Variants in POFUT2 observed in about 807,000 individuals in gnomAD.
POFUT2 encodes the protein GDP-fucose protein O-fucosyltransferase 2.
POFUT2 carries 30 observed loss-of-function variants against 55.0 expected under a neutral mutation model. That is an observed-to-expected ratio of 0.55 (90% CI 0.41 to 0.74). The LOEUF (loss-of-function observed/expected upper bound fraction) is 0.74. Among genes scored for constraint, POFUT2 ranks in the 30% least tolerant of loss-of-function variants. The pLI is 0.00. For synonymous variants in POFUT2, 267 were observed against 231.1 expected, an observed-to-expected ratio of 1.16 and a Z score of -1.41; for missense variants, 524 against 562.6, an observed-to-expected ratio of 0.93 and a Z score of 0.69.
chr21:45,278,640 G>C (rs1451764602), intron 4 of POFUT2, among the ~76,000 whole-genome samples: 1 of 152,180 alleles, frequency 6.6e-6, no homozygotes, highest in African/African-American at 2.4e-5. Context: ...GCCATTCCTG[G>C]GCAGGCATTC....
chr21:45,269,375 A>G (rs957180808), intron 7 of POFUT2, among the ~76,000 whole-genome samples: 1 of 152,076 alleles, frequency 6.6e-6, no homozygotes, highest in Non-Finnish European at 1.5e-5. Context: ...AGATTGAGAA[A>G]TCGGATGGTT....
At position 45,267,459 on chromosome 21, in the gene POFUT2, G is replaced by C. The variant is rs1358529349; in HGVS notation, c.1136+131C>G. 2.5e-6 allele frequency: 4 copies of C among 1,614,048 alleles called. No individual in the cohort carries two copies. The highest frequency in any genetic ancestry group is 3.4e-6 in the Non-Finnish European group (4 of 1,179,940). On this transcript the variant is annotated intron_variant, in intron 8 of 8. Coordinates refer to ENST00000349485, the MANE Select transcript of POFUT2 (RefSeq NM_133635.6). This position sits in a 1 kb window ranked among gnomAD's most constrained non-coding sequence, Gnocchi z 4.4. The stretch of plus-strand genomic sequence containing the variant: ...CAGATGCTACAGGAGACTCAGACGA[G>C]GAGGCAAACAGTATGGAAATGACCA...
At position 45,270,425 on chromosome 21, in the gene POFUT2, C is replaced by T. The variant is rs998154232; in HGVS notation, c.832-406G>A. Among the ~76,000 whole-genome samples, 2 of 152,160 alleles carry T rather than the reference C, an allele frequency of 1.3e-5. No homozygotes were observed. Among genetic ancestry groups the T allele is most frequent in the African/African-American group, 4.8e-5 (2 of 41,432 alleles). ...TCTGCTGCCCTCTTGACAGTGCCAC[C>T]TCCTGGCTGGAGGCCACCAACGCAA... On this transcript the variant is annotated intron_variant, in intron 6 of 8. Coordinates refer to ENST00000349485, the MANE Select transcript of POFUT2 (RefSeq NM_133635.6). The surrounding 1 kb of genome is among the most constrained non-coding windows in gnomAD (Gnocchi z 4.6).
chr21:45,280,070 G>A (rs557231610), intron 4 of POFUT2, among the ~76,000 whole-genome samples: 3 of 152,276 alleles, frequency 2.0e-5, no homozygotes, highest in African/African-American at 4.8e-5. Context: ...CCACACGGGC[G>A]CGGGTAGAGG....
chr21:45,281,894 C>T lies in POFUT2; in HGVS notation c.638+455G>A, dbSNP rs541995067. Among the ~76,000 whole-genome samples the T allele has an allele frequency of 1.2e-4, 19 of 152,206 alleles. No homozygotes were observed. Among genetic ancestry groups the T allele is most frequent in the African/African-American group, 4.1e-4 (17 of 41,538 alleles). On this transcript the variant is annotated intron_variant, in intron 4 of 8. Transcript: ENST00000349485. The surrounding 1 kb of genome is among the most constrained non-coding windows in gnomAD (Gnocchi z 5.0). ...CTCGAGGCCCAGCTCACCAGGCCGG[C>T]GACCACTTGAGGCAGACGCATGGCC...
At chr21:45,287,570 C>T (rs553640150) in intron 1 of POFUT2, among the ~76,000 whole-genome samples, 171 bp downstream of exon 1, 3 of 133,038 alleles carry the variant, frequency 2.3e-5, no homozygotes, top group South Asian at 2.7e-4. Flanking sequence ...GCCCCTGCCC[C>T]ATAACTCCGC....
chr21:45,266,303 G>A lies in POFUT2; in HGVS notation c.1137-668C>T. On this transcript the variant is annotated intron_variant, in intron 8 of 8. Transcript: ENST00000349485. ...CACAGCGCTGTACACAGAGCCACAG[G>A]GCCAGCAGGCCACACAGGCCTGTAT... 4 of 1,365,918 alleles carry A rather than the reference G, an allele frequency of 2.9e-6. No individual in the cohort carries two copies. In the Admixed American group the frequency reaches 5.7e-5, roughly 19 times the overall value. 84.6% of individuals were successfully genotyped at this position (1,365,918 alleles called of 1,614,324 possible). A position where few individuals can be genotyped will look rare whatever the true frequency, so the allele number is the denominator to read the frequency against.
At chr21:45,280,424 G>T (rs140041528) in intron 4 of POFUT2, among the ~76,000 whole-genome samples, 1 of 152,156 alleles carries the variant, frequency 6.6e-6, no homozygotes, top group African/African-American at 2.4e-5. Context: ...TTCCTGGTCC[G>T]GGGAGGCTAT....
Position 45,265,765 on chromosome 21 carries a change from C to G in POFUT2, c.1137-130G>C. ...GTTACATGGAACCAACACGGCCGTC[C>G]CCCGAGCACCCACCAGCCGGCCGCC... On this transcript the variant is annotated intron_variant, in intron 8 of 8. Coordinates refer to ENST00000349485, the MANE Select transcript of POFUT2 (RefSeq NM_133635.6). The surrounding 1 kb of genome is among the most constrained non-coding windows in gnomAD (Gnocchi z 4.6). The G allele has an allele frequency of 1.4e-6, 2 of 1,445,140 alleles. No homozygotes were observed. The highest frequency in any genetic ancestry group is 1.8e-6 in the Non-Finnish European group (2 of 1,103,840). 89.5% of individuals were successfully genotyped at this position (1,445,140 alleles called of 1,614,324 possible).
At position 45,277,443 on chromosome 21, in the gene POFUT2, G is replaced by A; in HGVS notation, c.706-301C>T. ...TTGCCCCTGGCTGGCACAACTGTGT[G>A]CAGCTCCTTCCCCTCAGTCTCTCCC... On this transcript the variant is annotated intron_variant, in intron 5 of 8. Transcript: ENST00000349485. The surrounding 1 kb of genome is among the most constrained non-coding windows in gnomAD (Gnocchi z 6.9). 2.5e-6 allele frequency: 1 copy of A among 403,828 alleles called. No individual in the cohort carries two copies. The highest frequency in any genetic ancestry group is 2.4e-5 in the South Asian group (1 of 40,844). The allele number at this position is 403,828 out of a possible 1,614,324, so 25.0% of individuals were successfully genotyped here.
chr21:45,269,455 C>T lies in POFUT2; in HGVS notation c.1012+384G>A, dbSNP rs1392254819. On this transcript the variant is annotated intron_variant, in intron 7 of 8. Coordinates refer to ENST00000349485, the MANE Select transcript of POFUT2 (RefSeq NM_133635.6). ...TTGTTCTGCACTAAGAAAAATTCTT[C>T]TGCCTTGGGATCCTGTTGATCTGTG... is the stretch of plus-strand genomic sequence containing the variant. 2.0e-5 allele frequency among the ~76,000 whole-genome samples: 3 copies of T among 152,094 alleles called. No homozygotes were observed. In the East Asian group the frequency reaches 5.8e-4, roughly 29 times the overall value.
Position 45,284,871 on chromosome 21 carries a change from G to A in POFUT2, c.382+807C>T, listed in dbSNP as rs1400291177. On this transcript the variant is annotated intron_variant, in intron 2 of 8. Transcript: ENST00000349485. The surrounding 1 kb of genome is among the most constrained non-coding windows in gnomAD (Gnocchi z 5.8). ...ACTTGGTATCAACAAGGATGTTGGA[G>A]GTTACCGCCTGTTGTTGCATGCCCC... 3.3e-5 allele frequency among the ~76,000 whole-genome samples: 5 copies of A among 152,168 alleles called. No individual in the cohort carries two copies. Among genetic ancestry groups the A allele is most frequent in the Non-Finnish European group, 7.3e-5 (5 of 68,032 alleles).
intron 6 of POFUT2, 44 bp downstream of exon 6, chr21:45,276,973 G>C: frequency 6.2e-7 from 1 of 1,605,484 alleles, no homozygotes; most frequent in Non-Finnish European, 8.5e-7. Context: ...CATCTCCAGA[G>C]AGACTTTACC....
chr21:45,280,535 G>T (rs1333535089), intron 4 of POFUT2, among the ~76,000 whole-genome samples: 2 of 152,196 alleles, frequency 1.3e-5, no homozygotes, highest in Non-Finnish European at 2.9e-5. Flanking sequence ...CAGCCTTTGA[G>T]CCCCTGCAGG....
At chr21:45,278,799 C>G (rs983655583) in intron 4 of POFUT2, among the ~76,000 whole-genome samples, 2 of 152,224 alleles carry the variant, frequency 1.3e-5, no homozygotes, top group African/African-American at 4.8e-5. Flanking sequence ...TCAGAGAGCC[C>G]TCCAGCTGGC....
chr21:45,269,870 C>T lies in POFUT2; in HGVS notation c.981G>A (p.Lys327=), dbSNP rs745701352. The T allele has an allele frequency of 1.2e-6, 2 of 1,610,170 alleles. No individual in the cohort carries two copies. Among genetic ancestry groups the T allele is most frequent in the Admixed American group, 1.7e-5 (1 of 58,946 alleles). The part of the protein sequence containing the change: ...RSLMKTHRLD[K]VFVATDAVRK... The stretch of plus-strand genomic sequence containing the variant: ...TGACGGCATCTGTGGCCACAAACAC[C>T]TTGTCCAGCCGGTGGGTCTTCATGA... The change falls in exon 7 of 9, where the codon AAG becomes AAA. Residue 327 remains lysine (K), a synonymous_variant. Transcript: ENST00000349485.
At position 45,282,607 on chromosome 21, in the gene POFUT2, G is replaced by C; in HGVS notation, c.528-148C>G. 1 of 675,198 alleles carries C rather than the reference G, an allele frequency of 1.5e-6. No individual in the cohort carries two copies. The highest frequency in any genetic ancestry group is 2.7e-6 in the Non-Finnish European group (1 of 373,400). The allele number at this position is 675,198 out of a possible 1,614,324, so 41.8% of individuals were successfully genotyped here. On this transcript the variant is annotated intron_variant, in intron 3 of 8. Coordinates refer to ENST00000349485, the MANE Select transcript of POFUT2 (RefSeq NM_133635.6). The surrounding 1 kb of genome is among the most constrained non-coding windows in gnomAD (Gnocchi z 4.6). ...CTTACTGATCGTGACTGCAGATCGT[G>C]ACATTCTAGTAAAATTTTAAAAGAA...
At position 45,265,488 on chromosome 21, in the gene POFUT2, G is replaced by A. The variant is rs1001302516; in HGVS notation, c.1284C>T (p.Thr428=). 6.2e-7 allele frequency: 1 copy of A among 1,612,662 alleles called. No homozygotes were observed. Among genetic ancestry groups the A allele is most frequent in the Admixed American group, 1.7e-5 (1 of 59,786 alleles). Residue 428 remains threonine (T), a synonymous_variant, in exon 9 of 9, where the codon ACC becomes ACT. Transcript: ENST00000349485. The surrounding 1 kb of genome is among the most constrained non-coding windows in gnomAD (Gnocchi z 4.6). ...CGGCCCTGGAGGATCCTCCTCAGTA[G>A]GTGATCTTCCAGTGGGTGGGTTGCT... ...ACEQPTHWKI[T]Y is the part of the protein sequence containing the mutation.
rs1173854818 is a variant in POFUT2 at position 45,282,445 on chromosome 21, C to T, written c.542G>A (p.Gly181Asp). Residue 181 changes from glycine to aspartate, a missense_variant, in exon 4 of 9, where the codon GGT becomes GAT. Around this residue, in one of 2 missense-constraint regions of POFUT2, gnomAD observed 274 missense variants for 244.4 expected, o/e 1.12. Transcript: ENST00000349485. This position sits in a 1 kb window ranked among gnomAD's most constrained non-coding sequence, Gnocchi z 4.6. ...KHEYYRGWFWGYEETRGLNVS... is the reference protein window; with the variant it reads ...KHEYYRGWFWDYEETRGLNVS... ...GTTTAGACCCCTGGTCTCCTCATAA[C>T]CCCAAAACCATCCTCTGGAAAACAA... The T allele has an allele frequency of 1.9e-6, 3 of 1,607,626 alleles. No homozygotes were observed. Among genetic ancestry groups the T allele is most frequent in the Non-Finnish European group, 2.6e-6 (3 of 1,174,412 alleles).
Sources: allele counts gnomAD v4.1 joint callset (sites outside exome capture counted in the v4.1 genomes callset), GRCh38; gene constraint gnomAD v4.1.1; regional missense constraint gnomAD v4.1.1; non-coding constraint Gnocchi (gnomAD v3.1); transcripts MANE v1.5; gene names NCBI Gene and HGNC (gene_info 2026-07-23, HGNC 2026-07-21).